MCF2L2: variants seen among roughly 807,000 people sequenced by gnomAD.
MCF2L2 encodes probable guanine nucleotide exchange factor MCF2L2.
In MCF2L2, 102 loss-of-function variants were observed where a neutral mutation model predicts 150.2. The observed-to-expected ratio is 0.68, with a 90% CI of 0.58 to 0.80. The LOEUF (loss-of-function observed/expected upper bound fraction) is 0.80, where lower values mean the gene tolerates loss of function less well. Among genes scored for constraint, MCF2L2 ranks in the 30% least tolerant of loss-of-function variants. The pLI, the probability that MCF2L2 is intolerant of heterozygous loss-of-function variation, is 0.00. For missense variants in MCF2L2, 1,256 were observed against 1,372.8 expected, an observed-to-expected ratio of 0.91 and a Z score of 1.34; for synonymous variants, 465 against 491.3, an observed-to-expected ratio of 0.95 and a Z score of 0.71.
intron 15 of MCF2L2, among the ~76,000 whole-genome samples, chr3:183,243,883 T>C (rs1025828301): frequency 6.6e-6 from 1 of 152,188 alleles, no homozygotes; most frequent in Admixed American, 6.5e-5. Context: ...CCTTCTGTAA[T>C]CCCAGCACTT....
chr3:183,258,738 TTTTTTA>T (rs1481386437), intron 15 of MCF2L2, among the ~76,000 whole-genome samples: 1 of 152,172 alleles, frequency 6.6e-6, no homozygotes, highest in Non-Finnish European at 1.5e-5. Context: ...TGTACTCTTT[TTTTTTA>T]TTTTTATGTG....
rs890481068 is a variant in MCF2L2 at position 183,326,492 on chromosome 3, C to CAAA, written c.487-3144_487-3142dup. 4.3e-3 allele frequency among the ~76,000 whole-genome samples: 167 copies of CAAA among 38,816 alleles called. 1 individual carries two copies. The highest frequency in any genetic ancestry group is 5.2e-3 in the African/African-American group (56 of 10,776). 25.5% of individuals were successfully genotyped at this position (38,816 alleles called of 152,430 possible). A position where few individuals can be genotyped will look rare whatever the true frequency, so the allele number is the denominator to read the frequency against. ...AGGCAATGAGAGTGAAACTCCGTCT[C>CAAA]AAAAAAAAAAAAAAAAAAAAAAAAC... On this transcript the variant is annotated intron_variant, in intron 5 of 29. Coordinates refer to ENST00000328913, the MANE Select transcript of MCF2L2 (RefSeq NM_015078.4).
intron 5 of MCF2L2, among the ~76,000 whole-genome samples, chr3:183,324,747 T>G (rs1049348437): frequency 4.0e-5 from 6 of 151,510 alleles, no homozygotes; most frequent in African/African-American, 7.3e-5. Flanking sequence ...AAAAAAAAAT[T>G]GTGGCCTAAA....
chr3:183,182,234 C>T (rs1033470555), intron 27 of MCF2L2, among the ~76,000 whole-genome samples: 11 of 152,122 alleles, frequency 7.2e-5, no homozygotes, highest in Non-Finnish European at 4.4e-5. Flanking sequence ...TTCCACCTCC[C>T]TGTGGGGGAC....
chr3:183,320,632 G>A (rs1577061398), intron 6 of MCF2L2, among the ~76,000 whole-genome samples: 3 of 152,302 alleles, frequency 2.0e-5, no homozygotes, highest in South Asian at 4.1e-4. Context: ...AATGTTGTGG[G>A]TGGTTTGATC....
At chr3:183,294,018 C>T (rs1016901739) in intron 13 of MCF2L2, among the ~76,000 whole-genome samples, 2 of 152,088 alleles carry the variant, frequency 1.3e-5, no homozygotes, top group Admixed American at 1.3e-4. Flanking sequence ...CAAATTAGCT[C>T]ATATATCCAG....
rs1723000642 is a variant in MCF2L2, at chr3:183,217,802, CAT to C, written c.2371-1710_2371-1709del. 2.6e-5 allele frequency among the ~76,000 whole-genome samples: 4 copies of C among 152,286 alleles called. No homozygotes were observed. The South Asian group carries it at 8.3e-4, about 32-fold the overall frequency. On this transcript the variant is annotated intron_variant, in intron 21 of 29. Transcript: ENST00000328913. ...AAGCCAGCGCTCTGCACCTCCCGAA[CAT>C]AAAGACTCAGCATTCAGCGGAAAAG...
At chr3:183,301,839 A>G (rs1728866652) in intron 10 of MCF2L2, among the ~76,000 whole-genome samples, 1 of 151,554 alleles carries the variant, frequency 6.6e-6, no homozygotes, top group Non-Finnish European at 1.5e-5. Context: ...CTACAGCCTT[A>G]GAAAGAAAGA....
chr3:183,228,515 G>GA (rs1161727147), intron 17 of MCF2L2, 149 bp from the exon 18 acceptor site: 38 of 544,330 alleles, frequency 7.0e-5, no homozygotes, highest in South Asian at 3.8e-4. Flanking sequence ...CATTGATTCA[G>GA]AAAAAAAAGC....
chr3:183,270,585 G>A lies in MCF2L2; in HGVS notation c.1862+6287C>T, dbSNP rs750480690. On this transcript the variant is annotated intron_variant, in intron 15 of 29. Transcript: ENST00000328913. The surrounding 1 kb of genome is among the most constrained non-coding windows in gnomAD (Gnocchi z 4.5). ...CGGAGCTGCCTATGTAATCTCCGGT[G>A]ATGTAGCTGCCAAAGTCTATGAGGC... 2 of 1,614,180 alleles carry A rather than the reference G, an allele frequency of 1.2e-6. No individual in the cohort carries two copies.
chr3:183,240,155 T>C (rs1393583230), intron 15 of MCF2L2, among the ~76,000 whole-genome samples: 2 of 152,248 alleles, frequency 1.3e-5, no homozygotes, highest in Non-Finnish European at 2.9e-5. Flanking sequence ...TTAAACACTT[T>C]AGTGCACTCA....
chr3:183,310,588 A>G (rs1488120793), intron 9 of MCF2L2: 1 of 315,918 alleles, frequency 3.2e-6, no homozygotes. Context: ...GCTTGAGCCC[A>G]GAAGATCAAA....
chr3:183,255,920 A>G (rs1413838540), intron 15 of MCF2L2, among the ~76,000 whole-genome samples: 1 of 152,124 alleles, frequency 6.6e-6, no homozygotes, highest in Non-Finnish European at 1.5e-5. Flanking sequence ...CACTTTGGCT[A>G]GAATCATTGC....
At chr3:183,402,323 G>T (rs116396850) in intron 1 of MCF2L2, among the ~76,000 whole-genome samples, 2,025 of 151,542 alleles carry the variant, frequency 0.013, 34 homozygotes, top group African/African-American at 0.047. Context: ...GGTTTTTCCC[G>T]GGTGCCTGTA....
At chr3:183,251,721 A>G (rs190143957) in intron 15 of MCF2L2, among the ~76,000 whole-genome samples, 4 of 152,016 alleles carry the variant, frequency 2.6e-5, no homozygotes, top group African/African-American at 7.2e-5. Flanking sequence ...CACCATCAAT[A>G]CCATCAAATC....
intron 15 of MCF2L2, among the ~76,000 whole-genome samples, chr3:183,253,061 G>A (rs939265816): frequency 7.2e-5 from 11 of 152,210 alleles, no homozygotes; most frequent in Non-Finnish European, 1.5e-4. Context: ...TAACTGACGA[G>A]CGGCAGGGAA....
rs764238376 is a variant in MCF2L2 at position 183,311,816 on chromosome 3, C to A, written c.754-44G>T. ...CTCTCTTAGAACGAATTAGAAAAAA[C>A]AAATTCTTGGTAGAATTGAGGTGAA... On this transcript the variant is annotated intron_variant, in intron 7 of 29. Coordinates refer to ENST00000328913, the MANE Select transcript of MCF2L2 (RefSeq NM_015078.4). 12 of 1,578,516 alleles carry A rather than the reference C, an allele frequency of 7.6e-6. No individual in the cohort carries two copies. The Admixed American group carries it at 2.2e-4, about 29-fold the overall frequency.
chr3:183,189,654 G>A (rs544510142), intron 27 of MCF2L2, among the ~76,000 whole-genome samples: 133 of 152,194 alleles, frequency 8.7e-4, no homozygotes, highest in African/African-American at 3.0e-3. Flanking sequence ...TCATCAGAAG[G>A]AGGTACTCCT....
chr3:183,193,117 A>G (rs769392725), intron 26 of MCF2L2, 21 bp from the exon 27 acceptor site: 14 of 1,595,150 alleles, frequency 8.8e-6, no homozygotes, highest in Non-Finnish European at 1.2e-5. Flanking sequence ...ATAAACATGA[A>G]TATTGAGTCA....
Sources: allele counts gnomAD v4.1 joint callset (sites outside exome capture counted in the v4.1 genomes callset), GRCh38; gene constraint gnomAD v4.1.1; non-coding constraint Gnocchi (gnomAD v3.1); transcripts MANE v1.5; gene names NCBI Gene and HGNC (gene_info 2026-07-23, HGNC 2026-07-21).